CACNA1A: variants seen among roughly 807,000 people sequenced by gnomAD.
The protein encoded by CACNA1A is calcium voltage-gated channel subunit alpha1 A, also known as voltage-dependent P/Q-type calcium channel subunit alpha-1A.
Under a neutral mutation model 262.4 loss-of-function variants are expected in CACNA1A, and 57 were observed. The ratio of observed to expected loss-of-function variants is 0.22; its 90% CI spans 0.18 to 0.27. The LOEUF (loss-of-function observed/expected upper bound fraction) is 0.27. Among genes scored for constraint, CACNA1A ranks in the 10% least tolerant of loss-of-function variants. CACNA1A has a pLI of 1.00. For synonymous variants in CACNA1A, 1,431 were observed against 1,419.3 expected (o/e 1.01, Z -0.18); for missense variants, 2,526 against 3,562.8 (o/e 0.71, Z 7.41).
intron 3 of CACNA1A, among the ~76,000 whole-genome samples, chr19:13,402,869 C>CATATATAT (rs2059928507): frequency 1.3e-5 from 1 of 75,680 alleles, no homozygotes; most frequent in Admixed American, 1.6e-4. Context: ...CACACACACA[C>CATATATAT]ACACATATAT....
chr19:13,501,732 A>G (rs369256561), intron 1 of CACNA1A, among the ~76,000 whole-genome samples: 1 of 152,200 alleles, frequency 6.6e-6, no homozygotes, highest in Admixed American at 6.5e-5. Flanking sequence ...GCACCTCATC[A>G]TCAAGCACAT....
intron 1 of CACNA1A, among the ~76,000 whole-genome samples, chr19:13,492,204 C>A (rs1980971974): frequency 6.6e-6 from 1 of 152,154 alleles, no homozygotes; most frequent in South Asian, 2.1e-4. Context: ...TGACATGCCT[C>A]AATTTCAACA....
intron 22 of CACNA1A, among the ~76,000 whole-genome samples, chr19:13,282,165 G>T (rs1263348839): frequency 6.6e-6 from 1 of 152,230 alleles, no homozygotes; most frequent in Non-Finnish European, 1.5e-5. Context: ...CCCCAGGGGG[G>T]CCTGCCAGGC....
rs1388957493 is a variant in CACNA1A, at chr19:13,214,023, GC to G, written c.5940+209del. 7 of 565,700 alleles carry G rather than the reference GC, an allele frequency of 1.2e-5. No individual in the cohort carries two copies. In the African/African-American group the frequency reaches 1.3e-4, roughly 11 times the overall value. The allele number at this position is 565,700 out of a possible 1,614,324, so 35.0% of individuals were successfully genotyped here. A position where few individuals can be genotyped will look rare whatever the true frequency, so the allele number is the denominator to read the frequency against. On this transcript the variant is annotated intron_variant, in intron 40 of 46. Transcript: ENST00000360228. This position sits in a 1 kb window ranked among gnomAD's most constrained non-coding sequence, Gnocchi z 4.1. ...TGTAGAGATGGAGTCTCACTGTGTT[GC>G]CCAGGGTGGTCTCATCCTGGTCTCA...
chr19:13,368,882 C>CA (rs1355636958), intron 4 of CACNA1A, among the ~76,000 whole-genome samples: 3 of 143,192 alleles, frequency 2.1e-5, no homozygotes, highest in African/African-American at 2.9e-5. Context: ...ACTAAAAATA[C>CA]AAAAAATTAG....
chr19:13,210,769 G>A, intron 43 of CACNA1A, 117 bp from the exon 44 acceptor site: 1 of 1,027,418 alleles, frequency 9.7e-7, no homozygotes, highest in Non-Finnish European at 1.5e-6. Flanking sequence ...GGAGGGGAGT[G>A]GCACTGGCAT....
chr19:13,262,347 A>G (rs1318578828), intron 25 of CACNA1A: 1 of 166,778 alleles, frequency 6.0e-6, no homozygotes, highest in Non-Finnish European at 1.3e-5. Context: ...GGTTCATGCT[A>G]TTTTGGAATG....
intron 1 of CACNA1A, among the ~76,000 whole-genome samples, chr19:13,500,109 T>G (rs576939005): frequency 4.2e-4 from 64 of 152,304 alleles, no homozygotes; most frequent in African/African-American, 1.5e-3. Context: ...GATAATCTCA[T>G]GGACAGTCTC....
intron 45 of CACNA1A, 53 bp downstream of exon 45, chr19:13,209,258 TC>T: frequency 7.0e-7 from 1 of 1,432,208 alleles, no homozygotes; most frequent in Non-Finnish European, 9.2e-7. Flanking sequence ...TGCCTTCTCC[TC>T]CCCTCTCCTC....
chr19:13,328,950 T>C (rs1184316390), intron 10 of CACNA1A, among the ~76,000 whole-genome samples: 1 of 151,936 alleles, frequency 6.6e-6, no homozygotes, highest in African/African-American at 2.4e-5. Context: ...TGCCATCCTT[T>C]CTTCCTCTAA....
intron 1 of CACNA1A, among the ~76,000 whole-genome samples, chr19:13,487,433 A>C (rs1181139116): frequency 6.6e-6 from 1 of 152,080 alleles, no homozygotes; most frequent in Non-Finnish European, 1.5e-5. Context: ...AAAAACCCCC[A>C]AAATCAGAAT....
At chr19:13,494,848 C>G (rs1296382319) in intron 1 of CACNA1A, among the ~76,000 whole-genome samples, 2 of 152,068 alleles carry the variant, frequency 1.3e-5, no homozygotes, top group African/African-American at 4.8e-5. Flanking sequence ...GGGAAATCAC[C>G]CCCATGATCC....
In CACNA1A at chr19:13,230,021, C is replaced by G; in HGVS notation, c.5528+61G>C. On this transcript the variant is annotated intron_variant, in intron 36 of 46. Coordinates refer to ENST00000360228, the MANE Select transcript of CACNA1A (RefSeq NM_001127222.2). ...CCAGAGTCTGGGGCCTGACCTAGCC[C>G]GTGTTCCAGTTCCAGGGAGAGGTGA... The G allele has an allele frequency of 2.5e-6, 4 of 1,580,438 alleles. No homozygotes were observed. In the South Asian group the frequency reaches 4.7e-5, roughly 18 times the overall value.
At chr19:13,213,370 A>G (rs1174657612) in intron 40 of CACNA1A, among the ~76,000 whole-genome samples, 4 of 152,000 alleles carry the variant, frequency 2.6e-5, no homozygotes, top group South Asian at 2.1e-4. Context: ...AGGCTCCCCA[A>G]CTACCCATTT....
chr19:13,277,316 G>C (rs1012131741), intron 22 of CACNA1A, 188 bp from the exon 23 acceptor site: 1 of 521,140 alleles, frequency 1.9e-6, no homozygotes, highest in Admixed American at 3.2e-5. Flanking sequence ...CTGCAGATTT[G>C]TATGTTGTGA....
chr19:13,290,363 T>C (rs771827117), intron 19 of CACNA1A, among the ~76,000 whole-genome samples: 11 of 151,794 alleles, frequency 7.2e-5, no homozygotes, highest in Non-Finnish European at 1.5e-4. Flanking sequence ...GCTGAGAGTA[T>C]TTTCTCATCA....
chr19:13,379,742 G>A (rs978785830), intron 3 of CACNA1A, among the ~76,000 whole-genome samples: 16 of 149,464 alleles, frequency 1.1e-4, no homozygotes, highest in African/African-American at 4.0e-4. Flanking sequence ...TGGCCAATAT[G>A]GTGAAAACCC....
chr19:13,279,166 G>A (rs1019563196), intron 22 of CACNA1A, among the ~76,000 whole-genome samples: 1 of 152,114 alleles, frequency 6.6e-6, no homozygotes, highest in African/African-American at 2.4e-5. Context: ...AGGCCGTGGG[G>A]GTCAGGTGAA....
At chr19:13,307,743 T>C (rs753871699) in intron 15 of CACNA1A, 39 bp downstream of exon 15, 1 of 1,562,988 alleles carries the variant, frequency 6.4e-7, no homozygotes, top group Admixed American at 1.7e-5. Context: ...TCTGTGACAC[T>C]GAGAGGTGTT....
Sources: gnomAD v4.1 joint callset for allele counts (sites outside exome capture counted in the v4.1 genomes callset) on GRCh38, gnomAD v4.1.1 for gene constraint, Gnocchi (gnomAD v3.1) non-coding constraint, MANE v1.5 for transcripts, NCBI Gene and HGNC (gene_info 2026-07-23, HGNC 2026-07-21) for gene names.